Variants in FBXL16 observed in about 807,000 individuals in gnomAD.
FBXL16 encodes the protein F-box and leucine rich repeat protein 16.
Under a neutral mutation model 36.7 loss-of-function variants are expected in FBXL16, and 7 were observed. That is an observed-to-expected ratio of 0.19 (90% CI 0.11 to 0.36). The LOEUF is 0.36. FBXL16 is among the 10% of genes least tolerant of loss of function. The probability of loss-of-function intolerance (pLI) is 1.00; values close to 1 mark genes in which losing one functional copy is unlikely to be tolerated. For missense variants in FBXL16, 463 were observed against 659.4 expected (o/e 0.70, Z 3.26); for synonymous variants, 355 against 308.7 (o/e 1.15, Z -1.57).
intron 1 of FBXL16, among the ~76,000 whole-genome samples, chr16:701,701 C>A (rs1257304304): frequency 2.6e-5 from 4 of 152,186 alleles, no homozygotes; most frequent in Admixed American, 6.5e-5. Flanking sequence ...CCTCGTTCCA[C>A]CCAGAGGGGC....
chr16:702,435 CTGG>C (rs2040064411), intron 1 of FBXL16, among the ~76,000 whole-genome samples: 1 of 152,236 alleles, frequency 6.6e-6, no homozygotes, highest in East Asian at 1.9e-4. Context: ...CACTGTCCAC[CTGG>C]TGTCTCTCCT....
chr16:702,240 C>T (rs1053716701), intron 1 of FBXL16, among the ~76,000 whole-genome samples: 1 of 152,180 alleles, frequency 6.6e-6, no homozygotes, highest in African/African-American at 2.4e-5. Context: ...TCCTCCTCCC[C>T]TGCTCCTCTG....
At chr16:699,201 C>T (rs57788177) in intron 1 of FBXL16, among the ~76,000 whole-genome samples, 15,358 of 152,258 alleles carry the variant, frequency 0.1, 2,470 homozygotes, top group African/African-American at 0.34. Context: ...GCAGAGCTGG[C>T]TGAGGAAGGC....
At chr16:694,814 G>A (rs1209307115) in intron 4 of FBXL16, 117 bp from the exon 5 acceptor site, 3 of 1,318,080 alleles carry the variant, frequency 2.3e-6, no homozygotes, top group Non-Finnish European at 3.2e-6. Context: ...CCCCCCCGGA[G>A]CCGGGAGGCG....
intron 1 of FBXL16, among the ~76,000 whole-genome samples, chr16:699,408 C>T (rs552354420): frequency 2.0e-5 from 3 of 152,298 alleles, no homozygotes; most frequent in African/African-American, 7.2e-5. Flanking sequence ...GCCCCCACCC[C>T]GACATCCGGG....
rs368681212 is a variant in FBXL16 at position 694,623 on chromosome 16, G to A, written c.1291+11C>T. ...TCACTGCCAGCGTCAGAGCAGAAAC[G>A]GGGGTCTCACCTGCCAGAGACAGGA... is the stretch of plus-strand genomic sequence containing the variant. On this transcript the variant is annotated intron_variant, in intron 5 of 5. Coordinates refer to ENST00000397621, the MANE Select transcript of FBXL16 (RefSeq NM_153350.4). 2.5e-6 allele frequency: 4 copies of A among 1,606,782 alleles called. No individual in the cohort carries two copies. The African/African-American group carries it at 4.0e-5, about 16-fold the overall frequency.
rs746294197 is a variant in FBXL16 at position 695,097 on chromosome 16, A to AC, written c.1143-22dup. 2.4e-5 allele frequency: 38 copies of AC among 1,594,602 alleles called. No individual in the cohort carries two copies. In the African/African-American group the frequency reaches 4.2e-4, roughly 18 times the overall value. On this transcript the variant is annotated intron_variant, in intron 3 of 5. Coordinates refer to ENST00000397621, the MANE Select transcript of FBXL16 (RefSeq NM_153350.4). ...CACACCTGTGGTTGCACCAGAGGGG[A>AC]CCCCCACCTTCAAATCACCTGGCCC...
intron 1 of FBXL16, among the ~76,000 whole-genome samples, chr16:704,781 C>G (rs866035691): frequency 8.5e-5 from 13 of 152,214 alleles, no homozygotes; most frequent in Non-Finnish European, 1.5e-5. Context: ...GCAGGCTGCC[C>G]GAACAGAGCC....
Position 696,346 on chromosome 16 carries a change from C to T in FBXL16, c.634-423G>A, listed in dbSNP as rs189990360. Among the ~76,000 whole-genome samples the T allele has an allele frequency of 1.8e-3, 277 of 152,268 alleles. 2 individuals are homozygous for T. The highest frequency in any genetic ancestry group is 6.0e-3 in the African/African-American group (251 of 41,546). On this transcript the variant is annotated intron_variant, in intron 2 of 5. Coordinates refer to ENST00000397621, the MANE Select transcript of FBXL16 (RefSeq NM_153350.4). ...CATGATCTCAGCTCACTGTACCCCC[C>T]GCCTCCCGGGTTCAAGCGATTCTCC...
intron 1 of FBXL16, among the ~76,000 whole-genome samples, chr16:699,587 C>T (rs2040041076): frequency 6.6e-6 from 1 of 152,170 alleles, no homozygotes; most frequent in Admixed American, 6.5e-5. Flanking sequence ...TGAACGAGCT[C>T]AGTGCGTGGC....
At chr16:695,313 C>T in intron 3 of FBXL16, 102 bp downstream of exon 3, 1 of 1,101,448 alleles carries the variant, frequency 9.1e-7, no homozygotes, top group Non-Finnish European at 1.1e-6. Context: ...GCCCCAGCCC[C>T]GCCGGAAGCC....
Position 695,660 on chromosome 16 carries a change from C to T in FBXL16, c.897G>A (p.Leu299=). Residue 299 remains leucine (L), a synonymous_variant, in exon 3 of 6, where the codon CTG becomes CTA. Transcript: ENST00000397621. ...TARQGHSTHT[L]RLLSCWEITN... is the part of the protein sequence containing the mutation. ...TGATCTCCCAGCAGGAGAGCAGGCG[C>T]AGCGTGTGCGTGCTGTGGCCCTGGC... 6.2e-7 allele frequency: 1 copy of T among 1,606,588 alleles called. No individual in the cohort carries two copies.
At chr16:695,131 C>T in intron 3 of FBXL16, 55 bp from the exon 4 acceptor site, 1 of 1,537,262 alleles carries the variant, frequency 6.5e-7, no homozygotes. Flanking sequence ...CCCGGCCATC[C>T]CTCGTCTTCC....
intron 2 of FBXL16, 24 bp from the exon 3 acceptor site, chr16:695,947 C>A: frequency 6.4e-7 from 1 of 1,555,416 alleles, no homozygotes; most frequent in South Asian, 1.2e-5. Flanking sequence ...GGCGCCGGGT[C>A]AGGATTGCAG....
intron 1 of FBXL16, among the ~76,000 whole-genome samples, chr16:704,349 C>G (rs1242317903): frequency 6.6e-6 from 1 of 152,182 alleles, no homozygotes; most frequent in Non-Finnish European, 1.5e-5. Flanking sequence ...AGGGGCTGAA[C>G]TCAAGGGTCT....
rs557536816 is a variant in FBXL16, at chr16:695,094, G to A, written c.1143-18C>T. On this transcript the variant is annotated intron_variant, in intron 3 of 5. Coordinates refer to ENST00000397621, the MANE Select transcript of FBXL16 (RefSeq NM_153350.4). ...GTACACACCTGTGGTTGCACCAGAG[G>A]GGACCCCCACCTTCAAATCACCTGG... is the stretch of plus-strand genomic sequence containing the variant. The A allele has an allele frequency of 4.4e-6, 7 of 1,600,188 alleles. No individual in the cohort carries two copies. The highest frequency in any genetic ancestry group is 1.7e-5 in the Admixed American group (1 of 58,764).
rs759515620 is a variant in FBXL16, at chr16:695,067, G to A, written c.1152C>T (p.Arg384=). The change falls in exon 4 of 6, where the codon CGC becomes CGT. Residue 384 remains arginine (R), a synonymous_variant. Coordinates refer to ENST00000397621, the MANE Select transcript of FBXL16 (RefSeq NM_153350.4). ...GATAGCTGAGGCCAGTGTCCGTGAT[G>A]CGTACACACCTGTGGTTGCACCAGA... ...LEELVLDRCV[R]ITDTGLSYLS... 2 of 1,607,398 alleles carry A rather than the reference G, an allele frequency of 1.2e-6. No homozygotes were observed. The highest frequency in any genetic ancestry group is 8.5e-7 in the Non-Finnish European group (1 of 1,176,750).
At chr16:703,720 G>A (rs62032508) in intron 1 of FBXL16, among the ~76,000 whole-genome samples, 11,290 of 152,332 alleles carry the variant, frequency 0.074, 634 homozygotes, top group Non-Finnish European at 0.11. Flanking sequence ...GGGGCACCAT[G>A]GCGCAGCAGG....
intron 1 of FBXL16, among the ~76,000 whole-genome samples, chr16:703,136 C>T (rs1235982554): frequency 6.6e-6 from 1 of 152,204 alleles, no homozygotes; most frequent in African/African-American, 2.4e-5. Context: ...CCTCGCTCTG[C>T]CCTGTTCTGC....
Sources: allele counts gnomAD v4.1 joint callset (sites outside exome capture counted in the v4.1 genomes callset), GRCh38; gene constraint gnomAD v4.1.1; transcripts MANE v1.5; gene names NCBI Gene and HGNC (gene_info 2026-07-23, HGNC 2026-07-21).